ARID4B: variants seen among roughly 807,000 people sequenced by gnomAD.
The protein encoded by ARID4B is AT-rich interactive domain-containing protein 4B.
In ARID4B, 26 loss-of-function variants were observed where a neutral mutation model predicts 147.5. The ratio of observed to expected loss-of-function variants is 0.18; its 90% CI spans 0.13 to 0.24. The LOEUF is 0.24. ARID4B is among the 10% of genes least tolerant of loss of function. The probability of loss-of-function intolerance (pLI) is 1.00; values close to 1 mark genes in which losing one functional copy is unlikely to be tolerated. For missense variants in ARID4B, 1,179 were observed against 1,511.5 expected, an observed-to-expected ratio of 0.78 and a Z score of 3.65; for synonymous variants, 512 against 507.9, an observed-to-expected ratio of 1.01 and a Z score of -0.11.
chr1:235,305,413 T>C (rs781211061), intron 2 of ARID4B, among the ~76,000 whole-genome samples: 62 of 152,288 alleles, frequency 4.1e-4, no homozygotes, highest in Admixed American at 6.5e-4. Context: ...TCACACAGTA[T>C]TTGGCACTTC....
At chr1:235,173,768 AAAAATATATATATAT>A (rs1376628609) in intron 22 of ARID4B, among the ~76,000 whole-genome samples, 2 of 44,224 alleles carry the variant, frequency 4.5e-5, no homozygotes, top group African/African-American at 2.8e-4. Flanking sequence ...AAAAAAAAAA[AAAAATATATATATAT>A]ATATATATAT....
intron 17 of ARID4B, among the ~76,000 whole-genome samples, chr1:235,210,325 C>T (rs1273482083): frequency 3.3e-5 from 5 of 151,908 alleles, no homozygotes; most frequent in Non-Finnish European, 5.9e-5. Flanking sequence ...TGAATGACTA[C>T]CACTGAAGAT....
At chr1:235,216,508 A>AT (rs1667090755) in intron 16 of ARID4B, among the ~76,000 whole-genome samples, 2 of 151,838 alleles carry the variant, frequency 1.3e-5, no homozygotes, top group African/African-American at 4.8e-5. Flanking sequence ...CGCTCTGCTG[A>AT]TTTTTTGTAT....
intron 19 of ARID4B, among the ~76,000 whole-genome samples, chr1:235,189,827 G>C (rs867406677): frequency 6.6e-6 from 1 of 152,048 alleles, no homozygotes; most frequent in Non-Finnish European, 1.5e-5. Flanking sequence ...AATCGCTTGA[G>C]CTCAGAAGTT....
intron 2 of ARID4B, among the ~76,000 whole-genome samples, chr1:235,320,740 T>C (rs576913738): frequency 1.3e-5 from 2 of 152,272 alleles, no homozygotes; most frequent in South Asian, 4.1e-4. Context: ...TAATGTTCCT[T>C]AAATGTATCA....
intron 2 of ARID4B, among the ~76,000 whole-genome samples, chr1:235,283,722 C>A (rs755148315): frequency 6.6e-6 from 1 of 151,886 alleles, no homozygotes; most frequent in Non-Finnish European, 1.5e-5. Context: ...AAAATGAAAC[C>A]AATCCTTTAT....
intron 19 of ARID4B, among the ~76,000 whole-genome samples, chr1:235,189,643 A>T (rs1281135445): frequency 6.6e-6 from 1 of 151,156 alleles, no homozygotes; most frequent in African/African-American, 2.4e-5. Flanking sequence ...TACCCCAGCT[A>T]CCCAACTACT....
At chr1:235,188,616 A>T (rs1314466058) in intron 19 of ARID4B, among the ~76,000 whole-genome samples, 1 of 152,162 alleles carries the variant, frequency 6.6e-6, no homozygotes. Context: ...ATTCATGAAC[A>T]TATCTAACCA....
At chr1:235,214,375 T>C (rs886295992) in intron 16 of ARID4B, among the ~76,000 whole-genome samples, 1 of 152,196 alleles carries the variant, frequency 6.6e-6, no homozygotes, top group Non-Finnish European at 1.5e-5. Context: ...AACATCTCAA[T>C]TGACAAAAAA....
chr1:235,211,532 CTCTA>C (rs1457784299), intron 17 of ARID4B, among the ~76,000 whole-genome samples: 1 of 152,152 alleles, frequency 6.6e-6, no homozygotes, highest in African/African-American at 2.4e-5. Flanking sequence ...GGTGTTGTGA[CTCTA>C]TCTCATGGGC....
intron 2 of ARID4B, among the ~76,000 whole-genome samples, chr1:235,297,704 C>G (rs539160397): frequency 5.9e-5 from 9 of 152,146 alleles, no homozygotes; most frequent in African/African-American, 2.2e-4. Flanking sequence ...CTCTTATAAA[C>G]AATGCTCACC....
intron 16 of ARID4B, among the ~76,000 whole-genome samples, chr1:235,216,379 G>A (rs1029241077): frequency 1.3e-5 from 2 of 150,436 alleles, no homozygotes; most frequent in Non-Finnish European, 3.0e-5. Context: ...ACAGAGTCTC[G>A]CTCTGTTGCC....
intron 8 of ARID4B, among the ~76,000 whole-genome samples, chr1:235,238,986 CTTTTT>C (rs5781822): frequency 1.4e-5 from 2 of 139,376 alleles, no homozygotes; most frequent in Non-Finnish European, 1.5e-5. Context: ...TTTTTTTCTT[CTTTTT>C]TTTTTTTTTG....
chr1:235,213,454 C>T (rs925609204), intron 17 of ARID4B, among the ~76,000 whole-genome samples: 1 of 152,122 alleles, frequency 6.6e-6, no homozygotes, highest in Non-Finnish European at 1.5e-5. Context: ...CAGCAAGCAG[C>T]CTGATAATTG....
rs142939337 is a variant in ARID4B at position 235,223,532 on chromosome 1, C to A, written c.971-272G>T. On this transcript the variant is annotated intron_variant, in intron 12 of 23. Coordinates refer to ENST00000264183, the MANE Select transcript of ARID4B (RefSeq NM_016374.6). Reference sequence around the variant, plus strand: ...AAATTTTAAAAACCATAACCAGATTCTTGAAACCTTTTATTTTCATTCTAC... The same window carrying A: ...AAATTTTAAAAACCATAACCAGATTATTGAAACCTTTTATTTTCATTCTAC... Among the ~76,000 whole-genome samples, 8 of 150,188 alleles carry A rather than the reference C, an allele frequency of 5.3e-5. No individual in the cohort carries two copies. In the East Asian group the frequency reaches 1.6e-3, roughly 29 times the overall value.
chr1:235,255,264 T>TG (rs1553304332), intron 5 of ARID4B, among the ~76,000 whole-genome samples: 1 of 109,956 alleles, frequency 9.1e-6, no homozygotes, highest in Non-Finnish European at 2.0e-5. Flanking sequence ...GATAGATAGA[T>TG]ATATATCTCT....
intron 11 of ARID4B, chr1:235,228,647 GTTT>G (rs11306265): frequency 5.7e-5 from 7 of 122,994 alleles, no homozygotes; most frequent in Non-Finnish European, 8.5e-5. Flanking sequence ...TTTTGTTCTC[GTTT>G]TTTTTTTTTT....
At chr1:235,188,677 TG>T (rs767224971) in intron 19 of ARID4B, among the ~76,000 whole-genome samples, 20 of 152,224 alleles carry the variant, frequency 1.3e-4, no homozygotes, top group Non-Finnish European at 2.4e-4. Context: ...CCTAGAACAC[TG>T]GAAACCATTC....
chr1:235,176,900 G>T (rs1416523582), intron 21 of ARID4B: 1 of 470,904 alleles, frequency 2.1e-6, no homozygotes, highest in African/African-American at 2.0e-5. Context: ...TCAGTGTGGG[G>T]CACCTGAAAA....
Sources: gnomAD v4.1 joint callset for allele counts (sites outside exome capture counted in the v4.1 genomes callset) on GRCh38, gnomAD v4.1.1 for gene constraint, MANE v1.5 for transcripts, NCBI Gene and HGNC (gene_info 2026-07-23, HGNC 2026-07-21) for gene names.